The following PLCB4 variants were observed in gnomAD, a reference collection of about 807,000 sequenced individuals.
PLCB4 encodes phospholipase C beta 4, also known as 1-phosphatidylinositol 4,5-bisphosphate phosphodiesterase beta-4.
PLCB4 carries 77 observed loss-of-function variants against 178.8 expected under a neutral mutation model. That is an observed-to-expected ratio of 0.43 (90% CI 0.36 to 0.52). PLCB4 has a LOEUF of 0.52. Among genes scored for constraint, PLCB4 ranks in the 20% least tolerant of loss-of-function variants. The probability of loss-of-function intolerance (pLI) is 0.00; values close to 1 mark genes in which losing one functional copy is unlikely to be tolerated. For missense variants in PLCB4, 1,024 were observed against 1,453.4 expected (o/e 0.70, Z 4.80); for synonymous variants, 496 against 490.8 (o/e 1.01, Z -0.14).
chr20:9,261,209 T>C (rs1035960902), intron 3 of PLCB4, among the ~76,000 whole-genome samples: 4 of 151,880 alleles, frequency 2.6e-5, no homozygotes, highest in Admixed American at 6.6e-5. Context: ...CATGAATCTC[T>C]CTTTTTTTTT....
chr20:9,203,696 T>G (rs1043317989), intron 2 of PLCB4, among the ~76,000 whole-genome samples: 1 of 151,822 alleles, frequency 6.6e-6, no homozygotes, highest in Non-Finnish European at 1.5e-5. Flanking sequence ...CAGGAGAGGT[T>G]AATTTACTTA....
At chr20:9,187,172 A>G (rs1360341101) in intron 2 of PLCB4, among the ~76,000 whole-genome samples, 1 of 151,518 alleles carries the variant, frequency 6.6e-6, no homozygotes, top group Non-Finnish European at 1.5e-5. Flanking sequence ...ACAGCGTTTT[A>G]CCATGTCTGC....
intron 3 of PLCB4, among the ~76,000 whole-genome samples, chr20:9,228,333 G>A (rs2093891596): frequency 6.6e-6 from 1 of 152,162 alleles, no homozygotes; most frequent in African/African-American, 2.4e-5. Flanking sequence ...AAGGAAGAAG[G>A]CAGGTGATTT....
intron 3 of PLCB4, among the ~76,000 whole-genome samples, chr20:9,297,773 T>G (rs1364238137): frequency 6.6e-6 from 1 of 152,126 alleles, no homozygotes; most frequent in Non-Finnish European, 1.5e-5. Flanking sequence ...TTAATACGAT[T>G]TCAGCTCCTT....
intron 28 of PLCB4, among the ~76,000 whole-genome samples, chr20:9,429,601 G>C (rs2148611783): frequency 6.6e-6 from 1 of 152,282 alleles, no homozygotes; most frequent in African/African-American, 2.4e-5. Context: ...TACACAAGTA[G>C]GTAAGTATGA....
At chr20:9,194,615 C>T (rs938309923) in intron 2 of PLCB4, among the ~76,000 whole-genome samples, 35 of 150,756 alleles carry the variant, frequency 2.3e-4, no homozygotes, top group Non-Finnish European at 3.5e-4. Context: ...ATGGTGTGAA[C>T]CCGGGAGGCG....
chr20:9,371,185 A>C (rs759011290), intron 9 of PLCB4, 29 bp from the exon 10 acceptor site: 1 of 1,325,002 alleles, frequency 7.5e-7, no homozygotes, highest in Non-Finnish European at 1.1e-6. Flanking sequence ...CAATAACTGG[A>C]ATGTGTGTTT....
In PLCB4 at chr20:9,155,166, A is replaced by T. The variant is rs140952998; in HGVS notation, c.-79+58824A>T. Among the ~76,000 whole-genome samples, 534 of 142,122 alleles carry T rather than the reference A, an allele frequency of 3.8e-3. 1 individual carries two copies. The Middle Eastern group carries it at 0.049, about 13-fold the overall frequency. The allele number at this position is 142,122 out of a possible 152,430, so 93.2% of individuals were successfully genotyped here. On this transcript the variant is annotated intron_variant, in intron 2 of 39. Coordinates refer to ENST00000378473, the MANE Select transcript of PLCB4 (RefSeq NM_001377142.1). ...ACTCTCTATGCCTTTGCTTACTTAT[A>T]GCTTAGCTCCCTCTTATAAGTGAGA...
chr20:9,249,606 C>T (rs1343192770), intron 3 of PLCB4, among the ~76,000 whole-genome samples: 2 of 152,200 alleles, frequency 1.3e-5, no homozygotes, highest in Admixed American at 1.3e-4. Flanking sequence ...TGCCTGGCCT[C>T]TTAATGCCAT....
At chr20:9,209,387 A>G (rs2093648520) in intron 2 of PLCB4, among the ~76,000 whole-genome samples, 1 of 152,110 alleles carries the variant, frequency 6.6e-6, no homozygotes, top group African/African-American at 2.4e-5. Context: ...CCCCGAGACT[A>G]CTGCCCCTTG....
At chr20:9,278,874 G>A (rs954804298) in intron 3 of PLCB4, among the ~76,000 whole-genome samples, 5 of 152,042 alleles carry the variant, frequency 3.3e-5, no homozygotes, top group Admixed American at 3.3e-4. Context: ...CTCTTCACTT[G>A]TTTAATAAGT....
chr20:9,111,899 G>A (rs1043585161), intron 2 of PLCB4, among the ~76,000 whole-genome samples: 9 of 152,114 alleles, frequency 5.9e-5, no homozygotes, highest in African/African-American at 1.9e-4. Context: ...CCACTATGAA[G>A]TATATAGAAG....
intron 38 of PLCB4, among the ~76,000 whole-genome samples, chr20:9,474,719 C>T (rs1314324031): frequency 6.6e-6 from 1 of 151,970 alleles, no homozygotes; most frequent in Non-Finnish European, 1.5e-5. Flanking sequence ...TTTTGTATGG[C>T]AATTGGGTAA....
intron 2 of PLCB4, among the ~76,000 whole-genome samples, chr20:9,157,766 A>G (rs2092815331): frequency 6.6e-6 from 1 of 152,134 alleles, no homozygotes; most frequent in African/African-American, 2.4e-5. Context: ...AAATACTAGT[A>G]ATTTTACTGG....
rs538174168 is a variant in PLCB4 at position 9,295,185 on chromosome 20, T to C, written c.-15-12615T>C. Among the ~76,000 whole-genome samples the C allele has an allele frequency of 2.0e-5, 3 of 152,232 alleles. No individual in the cohort carries two copies. In the East Asian group the frequency reaches 5.8e-4, roughly 29 times the overall value. ...CATGTTTCCCTTTTGTTTTCTATGT[T>C]CCAAGACCTTCTCAGAACTACTACT... On this transcript the variant is annotated intron_variant, in intron 3 of 39. Transcript: ENST00000378473.
chr20:9,157,799 G>A (rs989842336), intron 2 of PLCB4, among the ~76,000 whole-genome samples: 2 of 152,140 alleles, frequency 1.3e-5, no homozygotes, highest in Non-Finnish European at 1.5e-5. Context: ...TATGCTGGGT[G>A]TGATGGTGCG....
intron 7 of PLCB4, among the ~76,000 whole-genome samples, chr20:9,354,232 A>C (rs2034587635): frequency 6.6e-6 from 1 of 152,254 alleles, no homozygotes; most frequent in African/African-American, 2.4e-5. Context: ...AGGGAATGAG[A>C]ATTTAAAATT....
chr20:9,335,883 C>G (rs1469544225), intron 4 of PLCB4, among the ~76,000 whole-genome samples: 3 of 152,180 alleles, frequency 2.0e-5, no homozygotes, highest in Non-Finnish European at 4.4e-5. Flanking sequence ...AATACTTCAT[C>G]TGCCAGAAAA....
intron 2 of PLCB4, among the ~76,000 whole-genome samples, chr20:9,103,119 G>T (rs1177215370): frequency 6.6e-6 from 1 of 151,378 alleles, no homozygotes; most frequent in Non-Finnish European, 1.5e-5. Flanking sequence ...CCACCTCCCG[G>T]GTTCATGCCA....
Sources: gnomAD v4.1 joint callset for allele counts (sites outside exome capture counted in the v4.1 genomes callset) on GRCh38, gnomAD v4.1.1 for gene constraint, MANE v1.5 for transcripts, NCBI Gene and HGNC (gene_info 2026-07-23, HGNC 2026-07-21) for gene names.